QTMAN: variants seen among roughly 807,000 people sequenced by gnomAD.
QTMAN encodes queuosine-tRNA mannosyltransferase.
chr2:143,954,258 C>T, the QTMAN span, among the ~76,000 whole-genome samples: 5 of 151,982 alleles, frequency 3.3e-5, no homozygotes, highest in Non-Finnish European at 5.9e-5. Context: ...TATCTAAAGA[C>T]ATTCAGTTTT....
At chr2:144,119,734 T>C in the QTMAN span, among the ~76,000 whole-genome samples, 1 of 151,990 alleles carries the variant, frequency 6.6e-6, no homozygotes, top group Non-Finnish European at 1.5e-5. Flanking sequence ...ACAAAGAAAA[T>C]CACAAATATA....
chr2:144,267,799 G>T, the QTMAN span, among the ~76,000 whole-genome samples: 1 of 152,132 alleles, frequency 6.6e-6, no homozygotes, highest in Non-Finnish European at 1.5e-5. Context: ...AGCCCTAATA[G>T]CGATCTAAAC....
chr2:144,259,531 C>T, the QTMAN span, among the ~76,000 whole-genome samples: 1 of 152,160 alleles, frequency 6.6e-6, no homozygotes, highest in Non-Finnish European at 1.5e-5. Flanking sequence ...TTTGCACCAA[C>T]CTAACAGTAA....
chr2:144,133,499 TAA>T, the QTMAN span, among the ~76,000 whole-genome samples: 3 of 81,100 alleles, frequency 3.7e-5, no homozygotes, highest in African/African-American at 4.9e-5. Context: ...ATATATTATA[TAA>T]TATATATACA....
chr2:144,009,293 G>C, the QTMAN span, among the ~76,000 whole-genome samples: 2 of 152,074 alleles, frequency 1.3e-5, no homozygotes, highest in Admixed American at 6.5e-5. Flanking sequence ...ATCTATTTCA[G>C]TGAGGTGAAC....
the QTMAN span, among the ~76,000 whole-genome samples, chr2:144,278,508 C>A: frequency 6.6e-6 from 1 of 151,746 alleles, no homozygotes; most frequent in Non-Finnish European, 1.5e-5. Flanking sequence ...CACTTAATCT[C>A]CACAATAATC....
At chr2:144,296,984 G>C in the QTMAN span, among the ~76,000 whole-genome samples, 1 of 152,238 alleles carries the variant, frequency 6.6e-6, no homozygotes, top group African/African-American at 2.4e-5. Context: ...ACTTAGCTTA[G>C]TTTGCCCTAC....
At chr2:144,183,532 T>A in the QTMAN span, among the ~76,000 whole-genome samples, 1 of 152,226 alleles carries the variant, frequency 6.6e-6, no homozygotes, top group Non-Finnish European at 1.5e-5. Flanking sequence ...TTTAATTTAA[T>A]TCTGACTAAA....
At chr2:144,203,617 A>G in the QTMAN span, among the ~76,000 whole-genome samples, 3 of 152,202 alleles carry the variant, frequency 2.0e-5, no homozygotes, top group Non-Finnish European at 4.4e-5. Context: ...GAAGATTAAG[A>G]GAACATCACA....
At chr2:143,940,463 T>TA in the QTMAN span, 1 of 152,250 alleles carries the variant, frequency 6.6e-6, no homozygotes, top group Non-Finnish European at 1.5e-5. Flanking sequence ...TATTACTCTA[T>TA]AATTAAGGAT....
At chr2:143,948,033 T>C in the QTMAN span, among the ~76,000 whole-genome samples, 1 of 152,168 alleles carries the variant, frequency 6.6e-6, no homozygotes, top group Admixed American at 6.5e-5. Flanking sequence ...AAACATTTCA[T>C]GTTTAAGGAA....
the QTMAN span, among the ~76,000 whole-genome samples, chr2:144,250,569 T>C: frequency 3.1e-4 from 47 of 152,276 alleles, no homozygotes; most frequent in African/African-American, 1.1e-3. Context: ...TATGTAAATT[T>C]GTTACGTTTC....
the QTMAN span, among the ~76,000 whole-genome samples, chr2:144,282,658 G>A: frequency 7.9e-5 from 12 of 152,092 alleles, no homozygotes; most frequent in African/African-American, 2.9e-4. Flanking sequence ...TAGGAAATAT[G>A]TGTATTGGTC....
chr2:144,307,188 T>TAAAAAAAAAAAAAAAA, the QTMAN span, among the ~76,000 whole-genome samples: 1 of 81,270 alleles, frequency 1.2e-5, no homozygotes, highest in East Asian at 3.2e-4. Context: ...AAAAAACAAT[T>TAAAAAAAAAAAAAAAA]AAAAAAAAAA....
At chr2:144,326,968 C>T in the QTMAN span, among the ~76,000 whole-genome samples, 1 of 152,176 alleles carries the variant, frequency 6.6e-6, no homozygotes, top group African/African-American at 2.4e-5. Flanking sequence ...CTCATAACTA[C>T]CACAGCCCTT....
chr2:144,211,839 T>C, the QTMAN span, among the ~76,000 whole-genome samples: 5 of 152,208 alleles, frequency 3.3e-5, no homozygotes, highest in Middle Eastern at 3.4e-3. Context: ...ATTTCAGCAA[T>C]AGTCAAAGAA....
chr2:144,275,432 C>T, the QTMAN span, among the ~76,000 whole-genome samples: 1 of 151,886 alleles, frequency 6.6e-6, no homozygotes, highest in African/African-American at 2.4e-5. Flanking sequence ...TCTGCCTAAG[C>T]CCTCTTCCCT....
At chr2:144,312,769 T>C in the QTMAN span, among the ~76,000 whole-genome samples, 1 of 152,152 alleles carries the variant, frequency 6.6e-6, no homozygotes, top group Non-Finnish European at 1.5e-5. Context: ...TGAGTTCTCC[T>C]GAGATCTGAT....
At chr2:144,034,039 G>A in the QTMAN span, among the ~76,000 whole-genome samples, 1 of 152,170 alleles carries the variant, frequency 6.6e-6, no homozygotes, top group Non-Finnish European at 1.5e-5. Context: ...TTCTTACACT[G>A]TCAAGGAGTC....
Sources: allele counts gnomAD v4.1 joint callset (sites outside exome capture counted in the v4.1 genomes callset), GRCh38; gene constraint gnomAD v4.1.1; transcripts MANE v1.5; gene names NCBI Gene and HGNC (gene_info 2026-07-23, HGNC 2026-07-21).